Variants in ANO3 observed in about 807,000 individuals in gnomAD.
ANO3 encodes the protein anoctamin-3.
ANO3 carries 99 observed loss-of-function variants against 144.8 expected under a neutral mutation model. That is an observed-to-expected ratio of 0.68 (90% confidence interval 0.58 to 0.81). The LOEUF is 0.81. ANO3 is among the 30% of genes least tolerant of loss of function. ANO3 has a pLI of 0.00. For synonymous variants in ANO3, 414 were observed against 392.6 expected, an observed-to-expected ratio of 1.05 and a Z score of -0.64; for missense variants, 905 against 1,202.2, an observed-to-expected ratio of 0.75 and a Z score of 3.66.
intron 11 of ANO3, among the ~76,000 whole-genome samples, chr11:26,546,964 A>C (rs1849805082): frequency 6.6e-6 from 1 of 151,902 alleles, no homozygotes; most frequent in Non-Finnish European, 1.5e-5. Context: ...ATAATGGTGC[A>C]CATTGTGTCT....
At chr11:26,311,084 TAGAA>T (rs1292981765) in intron 1 of ANO3, among the ~76,000 whole-genome samples, 1 of 152,138 alleles carries the variant, frequency 6.6e-6, no homozygotes, top group Non-Finnish European at 1.5e-5. Flanking sequence ...GAATGGAAAT[TAGAA>T]AGGAGAAATG....
At chr11:26,635,916 T>G (rs534819308) in intron 20 of ANO3, among the ~76,000 whole-genome samples, 1 of 152,320 alleles carries the variant, frequency 6.6e-6, no homozygotes, top group South Asian at 2.1e-4. Flanking sequence ...ATAGCTATCT[T>G]GCCTGGCCCT....
chr11:26,385,893 G>GTGTATATATA (rs1183332896), intron 1 of ANO3, among the ~76,000 whole-genome samples: 2 of 143,694 alleles, frequency 1.4e-5, no homozygotes, highest in African/African-American at 5.4e-5. Context: ...CTTTGTGTGT[G>GTGTATATATA]TATATATATT....
chr11:26,412,887 C>T (rs1397230630), intron 1 of ANO3, among the ~76,000 whole-genome samples: 1 of 148,152 alleles, frequency 6.7e-6, no homozygotes, highest in East Asian at 2.1e-4. Flanking sequence ...TTCTCATATT[C>T]CTTTTTACTG....
chr11:26,587,085 A>T (rs1280418344), intron 14 of ANO3, among the ~76,000 whole-genome samples: 2 of 152,026 alleles, frequency 1.3e-5, no homozygotes, highest in African/African-American at 4.8e-5. Context: ...AATTCATGTA[A>T]TCCTTCTGAG....
chr11:26,662,097 A>G lies in ANO3; in HGVS notation c.*1653A>G, dbSNP rs1853894338. The stretch of plus-strand genomic sequence containing the variant: ...TTCTCTTACTAGAAAACTATTTTCT[A>G]AATATTAACACTGAAAATGTTTTGT... On this transcript the variant is annotated 3_prime_UTR_variant, in exon 27 of 27. Coordinates refer to ENST00000256737, the MANE Select transcript of ANO3 (RefSeq NM_031418.4). The G allele has an allele frequency of 6.6e-6, 1 of 152,052 alleles. No individual in the cohort carries two copies. Among genetic ancestry groups the G allele is most frequent in the South Asian group, 2.1e-4 (1 of 4,828 alleles). The allele number at this position is 152,052 out of a possible 1,614,324, so 9.4% of individuals were successfully genotyped here.
intron 1 of ANO3, among the ~76,000 whole-genome samples, chr11:26,404,212 A>G (rs1280830704): frequency 6.6e-6 from 1 of 151,866 alleles, no homozygotes; most frequent in Non-Finnish European, 1.5e-5. Flanking sequence ...TAATGAAAGA[A>G]AGAATGAATT....
intron 1 of ANO3, among the ~76,000 whole-genome samples, chr11:26,362,969 A>G (rs1171802822): frequency 6.6e-6 from 1 of 152,222 alleles, no homozygotes; most frequent in African/African-American, 2.4e-5. Flanking sequence ...TACATGTGTC[A>G]GTCAAGAACA....
At chr11:26,283,616 C>T (rs956706800) in intron 1 of ANO3, among the ~76,000 whole-genome samples, 1 of 151,974 alleles carries the variant, frequency 6.6e-6, no homozygotes, top group African/African-American at 2.4e-5. Flanking sequence ...AGATTTCTCA[C>T]TTAGTAAGTA....
chr11:26,526,122 A>G (rs1045834459), intron 7 of ANO3, among the ~76,000 whole-genome samples: 1 of 152,114 alleles, frequency 6.6e-6, no homozygotes, highest in East Asian at 1.9e-4. Flanking sequence ...TACCAAGGCC[A>G]TGTACCGTCT....
intron 1 of ANO3, among the ~76,000 whole-genome samples, chr11:26,225,888 G>A (rs1159661366): frequency 6.6e-6 from 1 of 152,042 alleles, no homozygotes; most frequent in Non-Finnish European, 1.5e-5. Flanking sequence ...CACAACAGAT[G>A]GTAGAAATAT....
intron 14 of ANO3, among the ~76,000 whole-genome samples, chr11:26,581,424 C>T (rs73434325): frequency 8.0e-4 from 121 of 151,162 alleles, no homozygotes; most frequent in African/African-American, 2.9e-3. Context: ...ACACTTGGTT[C>T]ACGCCTGTAA....
At chr11:26,295,515 CAAAAAAAA>C (rs71047842) in intron 1 of ANO3, among the ~76,000 whole-genome samples, 5 of 66,112 alleles carry the variant, frequency 7.6e-5, no homozygotes, top group Admixed American at 3.5e-4. Context: ...GACTCTGTCT[CAAAAAAAA>C]AAAAAAAAAA....
At chr11:26,470,655 GT>G (rs1859747297) in intron 4 of ANO3, among the ~76,000 whole-genome samples, 2 of 151,906 alleles carry the variant, frequency 1.3e-5, no homozygotes, top group Non-Finnish European at 2.9e-5. Context: ...TAAAGTGGCT[GT>G]AAAAAAATGT....
intron 1 of ANO3, among the ~76,000 whole-genome samples, chr11:26,240,199 T>C (rs11029417): frequency 0.017 from 2,535 of 152,310 alleles, 56 homozygotes; most frequent in East Asian, 0.13. Flanking sequence ...TGATAGTACA[T>C]AGTAAATATA....
chr11:26,640,663 TTTC>T (rs1853118597), intron 21 of ANO3, among the ~76,000 whole-genome samples: 2 of 152,094 alleles, frequency 1.3e-5, no homozygotes, highest in African/African-American at 4.8e-5. Context: ...GACAGGACAT[TTTC>T]ATTATGGCCT....
At chr11:26,598,173 T>A (rs1851692923) in intron 14 of ANO3, among the ~76,000 whole-genome samples, 192 bp from the exon 15 acceptor site, 1 of 152,154 alleles carries the variant, frequency 6.6e-6, no homozygotes. Flanking sequence ...CACACCCCTC[T>A]AGCAGTGTAT....
chr11:26,632,622 A>AACAC (rs151137702), intron 18 of ANO3, among the ~76,000 whole-genome samples: 8 of 148,054 alleles, frequency 5.4e-5, no homozygotes, highest in African/African-American at 2.0e-4. Context: ...TATATGTACA[A>AACAC]ACACACACAC....
At chr11:26,537,815 G>A (rs1361911733) in intron 10 of ANO3, among the ~76,000 whole-genome samples, 1 of 152,146 alleles carries the variant, frequency 6.6e-6, no homozygotes. Flanking sequence ...TGGGATACTT[G>A]AAAATCTAAA....
Sources: allele counts gnomAD v4.1 joint callset (sites outside exome capture counted in the v4.1 genomes callset), GRCh38; gene constraint gnomAD v4.1.1; transcripts MANE v1.5; gene names NCBI Gene and HGNC (gene_info 2026-07-23, HGNC 2026-07-21).